GC: variants seen among roughly 807,000 people sequenced by gnomAD.
GC encodes the protein GC vitamin D binding protein.
Under a neutral mutation model 56.7 loss-of-function variants are expected in GC, and 43 were observed. The observed-to-expected ratio is 0.76, with a 90% CI of 0.59 to 0.98. GC has a LOEUF of 0.98. GC is among the 50% of genes least tolerant of loss of function. The pLI is 0.00. For synonymous variants in GC, 216 were observed against 202.7 expected (o/e 1.07, Z -0.56); for missense variants, 529 against 545.9 (o/e 0.97, Z 0.31).
intron 11 of GC, among the ~76,000 whole-genome samples, chr4:71,749,579 A>G (rs770999031): frequency 4.6e-5 from 7 of 152,202 alleles, no homozygotes; most frequent in Non-Finnish European, 1.0e-4. Context: ...AACAACTTCT[A>G]TGTAAGGTGA....
chr4:71,760,505 T>C (rs970856672), intron 6 of GC, among the ~76,000 whole-genome samples: 10 of 152,088 alleles, frequency 6.6e-5, no homozygotes, highest in African/African-American at 1.7e-4. Flanking sequence ...CAAATCTAGA[T>C]GTTTGAGAAA....
chr4:71,787,083 T>C (rs1742858246), upstream of GC, among the ~76,000 whole-genome samples: 1 of 151,884 alleles, frequency 6.6e-6, no homozygotes. Context: ...ATAAATCTCT[T>C]TTTACTTAAG....
chr4:71,803,995 A>G, exon 1 of GC: 1 of 1,204,078 alleles, frequency 8.3e-7, no homozygotes, highest in Non-Finnish European at 1.2e-6. Flanking sequence ...TAGAATAGGT[A>G]GATATCATTC....
At chr4:71,786,447 A>T (rs969167121), upstream of GC, among the ~76,000 whole-genome samples, 3 of 151,852 alleles carry the variant, frequency 2.0e-5, no homozygotes, top group African/African-American at 7.2e-5. Flanking sequence ...TAATAGCAGC[A>T]GTTATAGCAA....
intron 6 of GC, among the ~76,000 whole-genome samples, chr4:71,758,657 A>G (rs975661864): frequency 2.0e-5 from 3 of 152,174 alleles, no homozygotes; most frequent in Non-Finnish European, 4.4e-5. Context: ...ATGGTATGCT[A>G]TACTATTCTC....
In GC at chr4:71,765,593, A is replaced by C. The variant is rs1171150788; in HGVS notation, c.312T>G (p.Val104=). ...TGCAGCACTCAGCAGTGCCTGGGTG[A>C]ACGGGGAATGGAGAATTACTTTCAC... ...KSCESNSPFP[V]HPGTAECCTK... Residue 104 remains valine (V), a synonymous_variant, in exon 4 of 13, where the codon GTT becomes GTG. Transcript: ENST00000273951. 1.2e-6 allele frequency: 2 copies of C among 1,613,728 alleles called. No homozygotes were observed. Among genetic ancestry groups the C allele is most frequent in the Admixed American group, 3.3e-5 (2 of 59,990 alleles).
At chr4:71,753,484 C>CA (rs202008117) in intron 10 of GC, among the ~76,000 whole-genome samples, 15,128 of 93,868 alleles carry the variant, frequency 0.16, 1,344 homozygotes, top group African/African-American at 0.3. Context: ...TCAAAGGAGG[C>CA]AAAAAAAAAA....
At chr4:71,780,598 G>A (rs1742641685) in intron 1 of GC, among the ~76,000 whole-genome samples, 1 of 152,082 alleles carries the variant, frequency 6.6e-6, no homozygotes, top group South Asian at 2.1e-4. Flanking sequence ...CTTCTCAAAA[G>A]AAGACATTTA....
intron 1 of GC, among the ~76,000 whole-genome samples, chr4:71,795,889 A>G (rs546357986): frequency 5.3e-5 from 8 of 152,142 alleles, no homozygotes; most frequent in African/African-American, 1.9e-4. Flanking sequence ...TTGTCTGTAA[A>G]GGATTTTATT....
chr4:71,785,522 C>T (rs977388973), upstream of GC, among the ~76,000 whole-genome samples: 1 of 151,578 alleles, frequency 6.6e-6, no homozygotes, highest in Non-Finnish European at 1.5e-5. Flanking sequence ...ACTGAAAATC[C>T]TTGGGTGTTA....
rs189588453 is a variant in GC, at chr4:71,769,006, T to C, written c.128+325A>G. On this transcript the variant is annotated intron_variant, in intron 2 of 12. Transcript: ENST00000273951. ...AGCCTCCCCAAATGTACTTGCTCTG[T>C]ACCTCATTGCCTTGGTTTCCCAGAT... Among the ~76,000 whole-genome samples, 9 of 152,362 alleles carry C rather than the reference T, an allele frequency of 5.9e-5. 1 individual carries two copies. The East Asian group carries it at 1.2e-3, about 20-fold the overall frequency.
intron 1 of GC, among the ~76,000 whole-genome samples, chr4:71,802,038 G>A (rs1743265887): frequency 6.6e-6 from 1 of 151,988 alleles, no homozygotes; most frequent in Admixed American, 6.6e-5. Context: ...TGAATTGTTT[G>A]AAGTTATTGA....
chr4:71,793,668 C>A (rs938976083), intron 1 of GC, among the ~76,000 whole-genome samples: 1 of 152,106 alleles, frequency 6.6e-6, no homozygotes, highest in African/African-American at 2.4e-5. Flanking sequence ...GCCTGATTGC[C>A]CCAACCGGAA....
chr4:71,779,175 A>G lies in GC; in HGVS notation c.58+4786T>C, dbSNP rs186585646. ...TTGAACACCTACTAAATGCCAAGTA[A>G]TGTTCTATTACTGGGAATTACAGGA... On this transcript the variant is annotated intron_variant, in intron 1 of 12. Coordinates refer to ENST00000273951, the MANE Select transcript of GC (RefSeq NM_000583.4). 9.9e-5 allele frequency among the ~76,000 whole-genome samples: 15 copies of G among 151,998 alleles called. 1 individual carries two copies. The highest frequency in any genetic ancestry group is 3.6e-4 in the African/African-American group (15 of 41,506).
At chr4:71,785,544 T>C (rs922967773), upstream of GC, among the ~76,000 whole-genome samples, 6 of 151,686 alleles carry the variant, frequency 4.0e-5, no homozygotes, top group Non-Finnish European at 8.9e-5. Flanking sequence ...GTTCAGAAAA[T>C]AGAGTCCAGC....
chr4:71,761,615 G>A (rs1438653920), intron 6 of GC, among the ~76,000 whole-genome samples: 2 of 152,148 alleles, frequency 1.3e-5, no homozygotes, highest in Non-Finnish European at 2.9e-5. Flanking sequence ...TCACAGGCCT[G>A]GAGACCTAGG....
upstream of GC, among the ~76,000 whole-genome samples, chr4:71,804,489 G>A (rs565911937): frequency 6.6e-6 from 1 of 152,092 alleles, no homozygotes; most frequent in East Asian, 1.9e-4. Context: ...TTTATGTTTT[G>A]CCAGCCAATT....
At chr4:71,781,174 G>A (rs1234185166) in intron 1 of GC, among the ~76,000 whole-genome samples, 1 of 151,952 alleles carries the variant, frequency 6.6e-6, no homozygotes, top group Non-Finnish European at 1.5e-5. Context: ...TCATAGTTGG[G>A]AGTTGAACAA....
chr4:71,744,363 G>C (rs1741288288), intron 12 of GC, among the ~76,000 whole-genome samples: 1 of 149,332 alleles, frequency 6.7e-6, no homozygotes, highest in Non-Finnish European at 1.5e-5. Flanking sequence ...GGAGGCTGAG[G>C]CAGGAGAATG....
Sources: allele counts gnomAD v4.1 joint callset (sites outside exome capture counted in the v4.1 genomes callset), GRCh38; gene constraint gnomAD v4.1.1; transcripts MANE v1.5; gene names NCBI Gene and HGNC (gene_info 2026-07-23, HGNC 2026-07-21).